The following PEAK1 variants were observed in gnomAD, a reference collection of about 807,000 sequenced individuals.
PEAK1 encodes inactive tyrosine-protein kinase PEAK1.
Under a neutral mutation model 124.7 loss-of-function variants are expected in PEAK1, and 54 were observed. That is an observed-to-expected ratio of 0.43 (90% CI 0.35 to 0.54). PEAK1 has a LOEUF of 0.54. Ranked by LOEUF, PEAK1 falls within the 20% of genes least tolerant of loss-of-function variation. The pLI, the probability that PEAK1 is intolerant of heterozygous loss-of-function variation, is 0.01. For synonymous variants in PEAK1, 719 were observed against 760.0 expected (o/e 0.95, Z 0.89); for missense variants, 2,046 against 2,134.5 (o/e 0.96, Z 0.82).
chr15:77,177,356 T>C (rs1187235772), intron 7 of PEAK1, among the ~76,000 whole-genome samples: 4 of 152,170 alleles, frequency 2.6e-5, no homozygotes, highest in African/African-American at 4.8e-5. Flanking sequence ...CTGTTCTTTC[T>C]AGGACTACCA....
At chr15:77,149,233 A>G (rs2152766310) in intron 8 of PEAK1, among the ~76,000 whole-genome samples, 1 of 152,322 alleles carries the variant, frequency 6.6e-6, no homozygotes, top group Non-Finnish European at 1.5e-5. Flanking sequence ...CCTGCTTCAC[A>G]ATGTAATTTT....
At chr15:77,200,603 A>C (rs1040343664) in intron 6 of PEAK1, among the ~76,000 whole-genome samples, 1 of 152,244 alleles carries the variant, frequency 6.6e-6, no homozygotes, top group African/African-American at 2.4e-5. Flanking sequence ...CAAACTGTGA[A>C]TATAGCATAG....
intron 1 of PEAK1, chr15:77,370,531 GT>G (rs1362966354): frequency 5.3e-6 from 1 of 187,024 alleles, no homozygotes; most frequent in Non-Finnish European, 1.0e-5. Flanking sequence ...TCTTATAGTA[GT>G]GATTCTCATC....
At chr15:77,206,870 C>T (rs2058684507) in intron 6 of PEAK1, among the ~76,000 whole-genome samples, 1 of 152,142 alleles carries the variant, frequency 6.6e-6, no homozygotes, top group Non-Finnish European at 1.5e-5. Context: ...AACTATACTA[C>T]AAGGCTACAG....
At chr15:77,103,240 G>A (rs953871794), downstream of PEAK1, 1 of 152,018 alleles carries the variant, frequency 6.6e-6, no homozygotes, top group African/African-American at 2.4e-5. Flanking sequence ...CGACCTCCTG[G>A]GCTCGAGTGA....
chr15:77,207,360 C>T (rs2058710345), intron 6 of PEAK1, among the ~76,000 whole-genome samples: 1 of 152,088 alleles, frequency 6.6e-6, no homozygotes, highest in African/African-American at 2.4e-5. Flanking sequence ...CTCAACACAA[C>T]CAACAAAATC....
chr15:77,234,879 G>A (rs919806780), intron 6 of PEAK1, among the ~76,000 whole-genome samples: 3 of 151,958 alleles, frequency 2.0e-5, no homozygotes, highest in South Asian at 2.1e-4. Context: ...TCTTAGCCTC[G>A]AGAGATCCAA....
At chr15:77,154,611 C>T (rs929476948) in intron 8 of PEAK1, among the ~76,000 whole-genome samples, 1 of 152,210 alleles carries the variant, frequency 6.6e-6, no homozygotes, top group Non-Finnish European at 1.5e-5. Context: ...CATGTTTTTG[C>T]AGTGGCTGGA....
rs766592773 is a variant in PEAK1, at chr15:77,179,135, A to C, written c.2792T>G (p.Phe931Cys). Residue 931 changes from phenylalanine (F) to cysteine (C), a missense_variant, in exon 7 of 10, where the codon TTC becomes TGC. By Grantham distance (205) the Phe-to-Cys change is radical. Coordinates refer to ENST00000682557, the MANE Select transcript of PEAK1 (RefSeq NM_001385026.1). The stretch of plus-strand genomic sequence containing the variant: ...CTCATCTGTTTTCCGACGGCGGAAG[A>C]AGCTTTTAAATGATATCCAGCGCTT... ...KPKRWISFKS[F>C]FRRRKTDEED... The C allele has an allele frequency of 2.5e-6, 4 of 1,614,148 alleles. No homozygotes were observed. The highest frequency in any genetic ancestry group is 1.7e-6 in the Non-Finnish European group (2 of 1,180,026).
At chr15:77,246,133 CG>C (rs139141875) in intron 6 of PEAK1, among the ~76,000 whole-genome samples, 33,710 of 151,634 alleles carry the variant, frequency 0.22, 4,173 homozygotes, top group Middle Eastern at 0.3. Flanking sequence ...CTCAGCCTCT[CG>C]AGTAGCTGGG....
chr15:77,293,151 C>T (rs1031610993), intron 2 of PEAK1, among the ~76,000 whole-genome samples: 2 of 152,158 alleles, frequency 1.3e-5, no homozygotes, highest in Non-Finnish European at 2.9e-5. Flanking sequence ...AACTTATCTC[C>T]CCCTGCCTAA....
rs1292207827 is a variant in PEAK1, at chr15:77,417,658, GT to G, written c.-666+2347del. 4.1e-6 allele frequency: 4 copies of G among 985,288 alleles called. No homozygotes were observed. The African/African-American group carries it at 7.0e-5, about 17-fold the overall frequency. The allele number at this position is 985,288 out of a possible 1,614,324, so 61.0% of individuals were successfully genotyped here. On this transcript the variant is annotated intron_variant, in intron 1 of 9. Coordinates refer to ENST00000682557, the MANE Select transcript of PEAK1 (RefSeq NM_001385026.1). ...CTTAAACAACCCATCCAACAAAAGG[GT>G]ATGATTTGGCAGGTATCAACACAAA...
Position 77,123,459 on chromosome 15 carries a change from A to G in PEAK1, c.4078-8140T>C, listed in dbSNP as rs17466905. The stretch of plus-strand genomic sequence containing the variant: ...GCAAGGTCAGTTTACTGCTTCAGGC[A>G]TGAAATAATAGGAGAGGTTCTACCT... On this transcript the variant is annotated intron_variant, in intron 9 of 9. Coordinates refer to ENST00000682557, the MANE Select transcript of PEAK1 (RefSeq NM_001385026.1). Among the ~76,000 whole-genome samples, 1,333 of 152,302 alleles carry G rather than the reference A, an allele frequency of 8.8e-3. 10 individuals are homozygous for G. Among genetic ancestry groups the G allele is most frequent in the Non-Finnish European group, 0.014 (957 of 68,014 alleles).
chr15:77,257,240 C>T (rs2061200270), intron 5 of PEAK1, among the ~76,000 whole-genome samples: 1 of 151,506 alleles, frequency 6.6e-6, no homozygotes, highest in Non-Finnish European at 1.5e-5. Flanking sequence ...GGGTATATAC[C>T]CAGTAATGGG....
At chr15:77,333,134 C>T (rs1008183017) in intron 2 of PEAK1, 1 of 973,648 alleles carries the variant, frequency 1.0e-6, no homozygotes, top group African/African-American at 1.8e-5. Context: ...TTTTGTGCAA[C>T]TAAAACACTT....
At chr15:77,352,051 T>C (rs2067242863) in intron 2 of PEAK1, 2 of 848,140 alleles carry the variant, frequency 2.4e-6, no homozygotes, top group South Asian at 5.4e-5. Context: ...GGAGACCCCA[T>C]CTCTCCAAAA....
chr15:77,332,380 A>G (rs2065942379), intron 2 of PEAK1: 1 of 455,156 alleles, frequency 2.2e-6, no homozygotes, highest in Non-Finnish European at 2.9e-6. Context: ...GGGGCAGATC[A>G]CGAGGTCAGG....
At chr15:77,395,987 G>A (rs1222810258) in intron 1 of PEAK1, among the ~76,000 whole-genome samples, 2 of 152,006 alleles carry the variant, frequency 1.3e-5, no homozygotes, top group African/African-American at 2.4e-5. Flanking sequence ...GAGATAAACC[G>A]ATCAAAAATA....
In PEAK1 at chr15:77,143,145, GC is replaced by G. The variant is rs376124831; in HGVS notation, c.3332-9396del. Among the ~76,000 whole-genome samples, 107 of 152,196 alleles carry G rather than the reference GC, an allele frequency of 7.0e-4. 3 individuals are homozygous for G. In the East Asian group the frequency reaches 0.016, roughly 22 times the overall value. The stretch of plus-strand genomic sequence containing the variant: ...ATGGTGGGGTCTCCTTCCCAAAGCT[GC>G]CCCAGCCCTATTTTCTCTTGGCTAA... On this transcript the variant is annotated intron_variant, in intron 8 of 9. Coordinates refer to ENST00000682557, the MANE Select transcript of PEAK1 (RefSeq NM_001385026.1).
Sources: allele counts gnomAD v4.1 joint callset (sites outside exome capture counted in the v4.1 genomes callset), GRCh38; gene constraint gnomAD v4.1.1; transcripts MANE v1.5; gene names NCBI Gene and HGNC (gene_info 2026-07-23, HGNC 2026-07-21).